The following ATF6 variants were observed in gnomAD, a reference collection of about 807,000 sequenced individuals.
ATF6 encodes the protein cyclic AMP-dependent transcription factor ATF-6 alpha.
Under a neutral mutation model 83.6 loss-of-function variants are expected in ATF6, and 53 were observed. The observed-to-expected ratio is 0.63, with a 90% confidence interval of 0.51 to 0.80. The LOEUF (loss-of-function observed/expected upper bound fraction) is 0.80, where lower values mean the gene tolerates loss of function less well. Ranked by LOEUF, ATF6 falls within the 30% of genes least tolerant of loss-of-function variation. The probability of loss-of-function intolerance (pLI) is 0.00; values close to 1 mark genes in which losing one functional copy is unlikely to be tolerated. For missense variants in ATF6, 744 were observed against 797.9 expected, an observed-to-expected ratio of 0.93 and a Z score of 0.81; for synonymous variants, 288 against 285.8, an observed-to-expected ratio of 1.01 and a Z score of -0.08.
At chr1:161,828,896 A>G (rs1685972426) in intron 9 of ATF6, among the ~76,000 whole-genome samples, 1 of 152,198 alleles carries the variant, frequency 6.6e-6, no homozygotes. Flanking sequence ...GACCCATCTC[A>G]TATGCAGAGA....
At position 161,819,777 on chromosome 1, in the gene ATF6, A is replaced by G. The variant is rs746779323; in HGVS notation, c.1054A>G (p.Asn352Asp). Reference protein sequence around the residue: ...LSENEQLKKENGTLKRQLDEV... With the variant: ...LSENEQLKKEDGTLKRQLDEV... Reference sequence around the variant, plus strand: ...AGAAAACGAGCAACTGAAGAAAGAAAATGGAACACTGAAGCGGCAGCTGGA... The same window carrying G: ...AGAAAACGAGCAACTGAAGAAAGAAGATGGAACACTGAAGCGGCAGCTGGA... Residue 352 changes from asparagine (N) to aspartate (D), a missense_variant, in exon 8 of 16, where the codon AAT becomes GAT. Physicochemically the swap from Asn to Asp is conservative, Grantham distance 23. Transcript: ENST00000367942. 3 of 1,612,462 alleles carry G rather than the reference A, an allele frequency of 1.9e-6. No individual in the cohort carries two copies. The highest frequency in any genetic ancestry group is 1.1e-5 in the South Asian group (1 of 90,872).
intron 6 of ATF6, among the ~76,000 whole-genome samples, chr1:161,794,321 A>G (rs1394490595): frequency 6.6e-6 from 1 of 152,234 alleles, no homozygotes; most frequent in African/African-American, 2.4e-5. Context: ...TATGGGCAAG[A>G]CATTATACAG....
intron 1 of ATF6, among the ~76,000 whole-genome samples, chr1:161,777,775 G>A (rs1013137558): frequency 6.6e-6 from 1 of 152,158 alleles, no homozygotes; most frequent in Non-Finnish European, 1.5e-5. Context: ...TTATTGTCTA[G>A]ATAGAAAATT....
intron 14 of ATF6, among the ~76,000 whole-genome samples, chr1:161,910,425 C>T (rs1053973875): frequency 6.6e-5 from 10 of 152,008 alleles, no homozygotes; most frequent in African/African-American, 2.4e-4. Flanking sequence ...TAAATCATAC[C>T]TAGTTTTTAG....
chr1:161,789,183 G>A (rs1475539055), intron 4 of ATF6, among the ~76,000 whole-genome samples: 1 of 144,350 alleles, frequency 6.9e-6, no homozygotes, highest in Non-Finnish European at 1.5e-5. Context: ...ATTTTAAAAT[G>A]TACAACTAAG....
chr1:161,870,818 A>G (rs1687107529), intron 14 of ATF6, among the ~76,000 whole-genome samples: 1 of 151,840 alleles, frequency 6.6e-6, no homozygotes, highest in South Asian at 2.1e-4. Flanking sequence ...ATAACTCAAG[A>G]ATAATACGAA....
intron 9 of ATF6, among the ~76,000 whole-genome samples, chr1:161,842,345 C>G (rs1557990209): frequency 6.6e-6 from 1 of 152,160 alleles, no homozygotes; most frequent in Non-Finnish European, 1.5e-5. Flanking sequence ...CCATTTGATC[C>G]AGCAATTCCA....
chr1:161,847,815 G>T (rs1557993190), intron 10 of ATF6, among the ~76,000 whole-genome samples: 1 of 152,042 alleles, frequency 6.6e-6, no homozygotes, highest in Admixed American at 6.6e-5. Context: ...TCTTGCTAAA[G>T]AATAGAACAA....
chr1:161,895,388 CAT>C (rs549630528), intron 14 of ATF6, among the ~76,000 whole-genome samples: 55 of 152,312 alleles, frequency 3.6e-4, no homozygotes, highest in Admixed American at 1.3e-3. Context: ...TTAAAGGATG[CAT>C]ATATGTTTTT....
chr1:161,799,571 C>A (rs551594417), intron 6 of ATF6, among the ~76,000 whole-genome samples: 1 of 152,126 alleles, frequency 6.6e-6, no homozygotes, highest in African/African-American at 2.4e-5. Flanking sequence ...CTGTCTACCC[C>A]CTGAACCTAA....
chr1:161,791,408 G>T lies in ATF6; in HGVS notation c.355G>T (p.Glu119Ter). ...AATTTTTGTTTTTATTATGCTACAG[G>T]AGGAGTTGGATTTGTCTTCTAGTTC... ...DSYSSTQHVP[E>*]ELDLSSSSQM... Residue 119 changes from glutamate (E) to a stop codon, truncating the protein, a stop_gained and splice_region_variant, in exon 5 of 16, where the codon GAG (glutamate) becomes TAG (stop). Coordinates refer to ENST00000367942, the MANE Select transcript of ATF6 (RefSeq NM_007348.4). LOFTEE classifies it high-confidence loss of function. 2 of 1,605,238 alleles carry T rather than the reference G, an allele frequency of 1.2e-6. No individual in the cohort carries two copies. Among genetic ancestry groups the T allele is most frequent in the Non-Finnish European group, 8.5e-7 (1 of 1,177,534 alleles).
In ATF6 at chr1:161,832,144, T is replaced by C. The variant is rs879690893; in HGVS notation, c.1187+10983T>C. On this transcript the variant is annotated intron_variant, in intron 9 of 15. Transcript: ENST00000367942. ...ATTATCAGATAGAGAATATAAAATA[T>C]ATTAAAAGACAGAATTAAAGTCTGG... is the stretch of plus-strand genomic sequence containing the variant. Among the ~76,000 whole-genome samples, 10 of 151,754 alleles carry C rather than the reference T, an allele frequency of 6.6e-5. 1 individual carries two copies. The South Asian group carries it at 1.9e-3, about 28-fold the overall frequency.
In ATF6 at chr1:161,830,451, G is replaced by A. The variant is rs552757763; in HGVS notation, c.1187+9290G>A. Reference sequence around the variant, plus strand: ...TCACAGAATTGGAAAAAACTACTTTGAAGTTCATATGGAACCAAAAAAGAG... The same window carrying A: ...TCACAGAATTGGAAAAAACTACTTTAAAGTTCATATGGAACCAAAAAAGAG... On this transcript the variant is annotated intron_variant, in intron 9 of 15. Coordinates refer to ENST00000367942, the MANE Select transcript of ATF6 (RefSeq NM_007348.4). Among the ~76,000 whole-genome samples the A allele has an allele frequency of 3.3e-5, 5 of 152,170 alleles. No individual in the cohort carries two copies. In the Middle Eastern group the frequency reaches 0.014, roughly 414 times the overall value.
Position 161,863,242 on chromosome 1 carries a change from G to C in ATF6, c.1649G>C (p.Arg550Thr), listed in dbSNP as rs963112535. The C allele has an allele frequency of 1.2e-6, 2 of 1,613,168 alleles. No individual in the cohort carries two copies. Among genetic ancestry groups the C allele is most frequent in the Admixed American group, 1.7e-5 (1 of 60,002 alleles). ...SELQVYYASP[R>T]SYQDFFEAIR... ...CTACAAGTGTATTATGCTTCACCCAGAAGTTATCAAGACTTTTTTGAAGCC... is the reference window on the plus strand; with the variant it reads ...CTACAAGTGTATTATGCTTCACCCACAAGTTATCAAGACTTTTTTGAAGCC... The change falls in exon 14 of 16, where the codon AGA becomes ACA. Residue 550 changes from arginine (R) to threonine (T), a missense_variant. Arg to Thr is a moderately conservative substitution (Grantham distance 71, BLOSUM62 -1). Coordinates refer to ENST00000367942, the MANE Select transcript of ATF6 (RefSeq NM_007348.4).
intron 4 of ATF6, among the ~76,000 whole-genome samples, chr1:161,786,276 G>A (rs920085129): frequency 6.6e-6 from 1 of 152,096 alleles, no homozygotes; most frequent in Non-Finnish European, 1.5e-5. Context: ...GTGAGACACT[G>A]CGCCCGGCCG....
chr1:161,898,130 G>C (rs1687712900), intron 14 of ATF6, among the ~76,000 whole-genome samples: 1 of 152,152 alleles, frequency 6.6e-6, no homozygotes, highest in African/African-American at 2.4e-5. Flanking sequence ...TTCAGAGAGA[G>C]GCTAAACATT....
At chr1:161,851,266 A>T (rs1686619930) in intron 10 of ATF6, among the ~76,000 whole-genome samples, 1 of 150,058 alleles carries the variant, frequency 6.7e-6, no homozygotes, top group African/African-American at 2.5e-5. Context: ...ACACACACAC[A>T]CACACACACC....
In ATF6 at chr1:161,960,515, C is replaced by G. The variant is rs958699344; in HGVS notation, c.*1861C>G. The G allele has an allele frequency of 2.6e-5, 4 of 152,224 alleles. No individual in the cohort carries two copies. In the South Asian group the frequency reaches 8.3e-4, roughly 32 times the overall value. 9.4% of individuals were successfully genotyped at this position (152,224 alleles called of 1,614,324 possible). On this transcript the variant is annotated 3_prime_UTR_variant, in exon 16 of 16. Coordinates refer to ENST00000367942, the MANE Select transcript of ATF6 (RefSeq NM_007348.4). ...CACTTCTAACTCTCTGGACAGGTGC[C>G]TCTTTGTCCAAGCTAGTTAAATGCT...
intron 7 of ATF6, 90 bp from the exon 8 acceptor site, chr1:161,819,543 G>A: frequency 9.1e-7 from 1 of 1,099,192 alleles, no homozygotes; most frequent in Non-Finnish European, 1.2e-6. Flanking sequence ...AAAATTGTTG[G>A]TTAAAATAAT....
Sources: allele counts gnomAD v4.1 joint callset (sites outside exome capture counted in the v4.1 genomes callset), GRCh38; gene constraint gnomAD v4.1.1; transcripts MANE v1.5; gene names NCBI Gene and HGNC (gene_info 2026-07-23, HGNC 2026-07-21).